Variants in CARS1 observed in about 807,000 individuals in gnomAD.
CARS1 encodes the protein cysteine--tRNA ligase, cytoplasmic.
In CARS1, 48 loss-of-function variants were observed where a neutral mutation model predicts 106.2. The observed-to-expected ratio is 0.45, with a 90% CI of 0.36 to 0.57. CARS1 has a LOEUF of 0.57. CARS1 is among the 20% of genes least tolerant of loss of function. The pLI, the probability that CARS1 is intolerant of heterozygous loss-of-function variation, is 0.00. For synonymous variants in CARS1, 409 were observed against 403.4 expected, an observed-to-expected ratio of 1.01 and a Z score of -0.17; for missense variants, 968 against 1,057.2, an observed-to-expected ratio of 0.92 and a Z score of 1.17.
intron 1 of CARS1, among the ~76,000 whole-genome samples, 164 bp downstream of exon 1, chr11:3,057,179 C>G (rs1856300906): frequency 6.6e-6 from 1 of 152,112 alleles, no homozygotes; most frequent in Non-Finnish European, 1.5e-5. Flanking sequence ...TGACACCCCT[C>G]AGACCTCGGG....
intron 19 of CARS1, among the ~76,000 whole-genome samples, chr11:3,006,158 C>T (rs528101152): frequency 6.6e-6 from 1 of 152,232 alleles, no homozygotes; most frequent in East Asian, 1.9e-4. Context: ...TATTATGTAT[C>T]CATAAAAACT....
chr11:3,016,315 G>C (rs570434784), intron 16 of CARS1, among the ~76,000 whole-genome samples: 3 of 152,038 alleles, frequency 2.0e-5, no homozygotes, highest in Non-Finnish European at 4.4e-5. Context: ...CTGCCTCCTG[G>C]GTTCATGCCA....
chr11:3,041,161 C>A lies in CARS1; in HGVS notation c.367-177G>T, dbSNP rs979766759. On this transcript the variant is annotated intron_variant, in intron 3 of 22. Transcript: ENST00000380525. This position sits in a 1 kb window ranked among gnomAD's most constrained non-coding sequence, Gnocchi z 4.9. ...CTCAGTGGGAGCCCAGTGAGATGTA[C>A]GGCACCTCCCACCAACTGAGCCCTG... 2.4e-5 allele frequency: 22 copies of A among 921,756 alleles called. No individual in the cohort carries two copies. Among genetic ancestry groups the A allele is most frequent in the Non-Finnish European group, 3.3e-5 (21 of 628,102 alleles). 57.1% of individuals were successfully genotyped at this position (921,756 alleles called of 1,614,324 possible). A position where few individuals can be genotyped will look rare whatever the true frequency, so the allele number is the denominator to read the frequency against.
intron 1 of CARS1, 73 bp downstream of exon 1, chr11:3,057,270 C>T (rs1260888254): frequency 1.2e-5 from 16 of 1,333,148 alleles, no homozygotes; most frequent in Middle Eastern, 2.4e-4. Context: ...GGACTCGCTG[C>T]CCTTCGAGCC....
chr11:3,056,939 G>A (rs1421373092), intron 1 of CARS1, among the ~76,000 whole-genome samples: 1 of 152,186 alleles, frequency 6.6e-6, no homozygotes, highest in East Asian at 1.9e-4. Flanking sequence ...GGGTCCCCGC[G>A]GGGTCTGTGC....
At chr11:3,005,496 A>T in intron 19 of CARS1, 63 bp from the exon 20 acceptor site, 1 of 1,305,358 alleles carries the variant, frequency 7.7e-7, no homozygotes, top group East Asian at 2.3e-5. Flanking sequence ...CTGCGGGGCC[A>T]GCCCTGCCCT....
intron 7 of CARS1, chr11:3,031,378 G>C (rs2134205412): frequency 6.6e-6 from 1 of 152,128 alleles, no homozygotes; most frequent in Non-Finnish European, 1.5e-5. Context: ...CTTCAAGATA[G>C]ACAAAAGCTG....
At position 3,029,238 on chromosome 11, in the gene CARS1, A is replaced by G. The variant is rs576498479; in HGVS notation, c.942+65T>C. 3.2e-6 allele frequency: 5 copies of G among 1,582,868 alleles called. No individual in the cohort carries two copies. In the African/African-American group the frequency reaches 4.0e-5, roughly 13 times the overall value. On this transcript the variant is annotated intron_variant, in intron 8 of 22. Coordinates refer to ENST00000380525, the MANE Select transcript of CARS1 (RefSeq NM_001014437.3). The surrounding 1 kb of genome is among the most constrained non-coding windows in gnomAD (Gnocchi z 5.9). ...GCTTAATTGAGCTGGCCTTGCCAAAACAGGAATTTAGAAATCAGGGCCCTT... is the reference window on the plus strand; with the variant it reads ...GCTTAATTGAGCTGGCCTTGCCAAAGCAGGAATTTAGAAATCAGGGCCCTT...
intron 7 of CARS1, among the ~76,000 whole-genome samples, chr11:3,036,402 G>A (rs1442249452): frequency 6.6e-6 from 1 of 152,056 alleles, no homozygotes; most frequent in African/African-American, 2.4e-5. Flanking sequence ...TCCACCTAGA[G>A]ACAACACAAA....
At position 3,000,988 on chromosome 11, in the gene CARS1, T is replaced by G; in HGVS notation, c.*126A>C. On this transcript the variant is annotated 3_prime_UTR_variant, in exon 23 of 23. Transcript: ENST00000380525. The surrounding 1 kb of genome is among the most constrained non-coding windows in gnomAD (Gnocchi z 7.1). ...GAGCCAACGACGACACGAACCTACA[T>G]GAACACAACTCTTAATTTAGGACCC... is the stretch of plus-strand genomic sequence containing the variant. 1 of 1,095,162 alleles carries G rather than the reference T, an allele frequency of 9.1e-7. No individual in the cohort carries two copies. The highest frequency in any genetic ancestry group is 1.3e-6 in the Non-Finnish European group (1 of 751,978). The allele number at this position is 1,095,162 out of a possible 1,614,324, so 67.8% of individuals were successfully genotyped here.
chr11:3,023,555 C>T (rs921100641), intron 10 of CARS1, among the ~76,000 whole-genome samples: 2 of 152,140 alleles, frequency 1.3e-5, no homozygotes, highest in Non-Finnish European at 2.9e-5. Context: ...CTACCACACT[C>T]AGCTAATTTT....
chr11:3,020,380 G>T lies in CARS1; in HGVS notation c.1154-48C>A. On this transcript the variant is annotated intron_variant, in intron 10 of 22. Transcript: ENST00000380525. This position sits in a 1 kb window ranked among gnomAD's most constrained non-coding sequence, Gnocchi z 4.6. ...GCAAGGTCACTCAGCAGCACCCACA[G>T]ACCCACATGTCTCACTTCAAGGCCA... is the stretch of plus-strand genomic sequence containing the variant. The T allele has an allele frequency of 8.8e-7, 1 of 1,139,590 alleles. No homozygotes were observed. The highest frequency in any genetic ancestry group is 1.3e-6 in the Non-Finnish European group (1 of 749,434). The allele number at this position is 1,139,590 out of a possible 1,614,324, so 70.6% of individuals were successfully genotyped here. A position where few individuals can be genotyped will look rare whatever the true frequency, so the allele number is the denominator to read the frequency against.
chr11:3,026,900 T>C (rs776256926), intron 9 of CARS1, 103 bp from the exon 10 acceptor site: 16 of 1,332,812 alleles, frequency 1.2e-5, no homozygotes, highest in Non-Finnish European at 1.7e-5. Context: ...AAGTGCGAAA[T>C]CTGTGGCCTA....
At chr11:3,011,655 T>C (rs955227779) in intron 18 of CARS1, among the ~76,000 whole-genome samples, 1 of 152,102 alleles carries the variant, frequency 6.6e-6, no homozygotes, top group Non-Finnish European at 1.5e-5. Context: ...TGGCTGCTTA[T>C]GGACAGTGAG....
chr11:3,018,608 G>A lies in CARS1; in HGVS notation c.1525+12C>T. On this transcript the variant is annotated intron_variant, in intron 13 of 22. Coordinates refer to ENST00000380525, the MANE Select transcript of CARS1 (RefSeq NM_001014437.3). ...GGTGGTTGGGGGGTCTGTGGGAGAA[G>A]CCAGTGTATACCTGAGTGCTTTTTC... The A allele has an allele frequency of 6.2e-7, 1 of 1,614,114 alleles. No homozygotes were observed. The highest frequency in any genetic ancestry group is 2.2e-5 in the East Asian group (1 of 44,884).
At chr11:3,023,076 C>T (rs1265531649) in intron 10 of CARS1, among the ~76,000 whole-genome samples, 1 of 152,118 alleles carries the variant, frequency 6.6e-6, no homozygotes, top group Non-Finnish European at 1.5e-5. Flanking sequence ...ATGCTGAAGT[C>T]ATTCTGGAAG....
At chr11:3,054,230 C>T (rs921620015) in intron 1 of CARS1, among the ~76,000 whole-genome samples, 5 of 152,160 alleles carry the variant, frequency 3.3e-5, no homozygotes, top group African/African-American at 1.2e-4. Flanking sequence ...AAAGGTGGCC[C>T]CCAGGCATCC....
chr11:3,005,270 T>TA, intron 20 of CARS1, 96 bp downstream of exon 20: 2 of 881,044 alleles, frequency 2.3e-6, no homozygotes, highest in Non-Finnish European at 3.6e-6. Flanking sequence ...AATAAAAGTG[T>TA]AAACATCAAT....
chr11:3,011,781 C>A (rs1269906911), intron 18 of CARS1, among the ~76,000 whole-genome samples: 2 of 152,206 alleles, frequency 1.3e-5, no homozygotes, highest in Non-Finnish European at 2.9e-5. Context: ...CACACCTCAG[C>A]GCACCCAGCC....
Sources: allele counts gnomAD v4.1 joint callset (sites outside exome capture counted in the v4.1 genomes callset), GRCh38; gene constraint gnomAD v4.1.1; non-coding constraint Gnocchi (gnomAD v3.1); transcripts MANE v1.5; gene names NCBI Gene and HGNC (gene_info 2026-07-23, HGNC 2026-07-21).